The following MYO1C variants were observed in gnomAD, a reference collection of about 807,000 sequenced individuals.
The protein encoded by MYO1C is unconventional myosin-Ic.
Under a neutral mutation model 150.8 loss-of-function variants are expected in MYO1C, and 104 were observed. That is an observed-to-expected ratio of 0.69 (90% CI 0.59 to 0.81). The LOEUF (loss-of-function observed/expected upper bound fraction) is 0.81. Ranked by LOEUF, MYO1C falls within the 30% of genes least tolerant of loss-of-function variation. The pLI is 0.00. For missense variants in MYO1C, 1,504 were observed against 1,435.0 expected (o/e 1.05, Z -0.78); for synonymous variants, 663 against 579.9 (o/e 1.14, Z -2.06).
intron 30 of MYO1C, 61 bp downstream of exon 30, chr17:1,467,419 G>C: frequency 6.3e-7 from 1 of 1,597,990 alleles, no homozygotes; most frequent in African/African-American, 1.3e-5. Context: ...CCCTGTCCCT[G>C]GGTGCCCACA....
intron 5 of MYO1C, among the ~76,000 whole-genome samples, chr17:1,482,033 C>A (rs545819655): frequency 6.6e-6 from 1 of 152,134 alleles, no homozygotes; most frequent in East Asian, 1.9e-4. Context: ...CTGCTCCTAT[C>A]TCCATCAAGC....
chr17:1,483,137 G>A, intron 3 of MYO1C, 78 bp from the exon 4 acceptor site: 2 of 1,411,908 alleles, frequency 1.4e-6, no homozygotes, highest in Non-Finnish European at 9.6e-7. Context: ...CCACATCTGG[G>A]TGGAGTCCTC....
At chr17:1,484,686 T>G in intron 1 of MYO1C, 1 of 403,796 alleles carries the variant, frequency 2.5e-6, no homozygotes, top group Admixed American at 3.7e-5. Flanking sequence ...CTCCTTGAAA[T>G]AGCAGAAAGA....
chr17:1,478,611 C>T lies in MYO1C; in HGVS notation c.1212+5G>A. On this transcript the variant is annotated splice_donor_5th_base_variant and intron_variant, in intron 10 of 31. Transcript: ENST00000648651. This position sits in a 1 kb window ranked among gnomAD's most constrained non-coding sequence, Gnocchi z 6.3. The stretch of plus-strand genomic sequence containing the variant: ...CCTTGGGAGCAGTGTGGACCGAGCC[C>T]TCACCTTGGAGGCCAGCGACCTGTT... 1 of 1,614,066 alleles carries T rather than the reference C, an allele frequency of 6.2e-7. No homozygotes were observed. Among genetic ancestry groups the T allele is most frequent in the East Asian group, 2.2e-5 (1 of 44,874 alleles).
In MYO1C at chr17:1,470,699, G is replaced by A. The variant is rs111459491; in HGVS notation, c.2213-10C>T. On this transcript the variant is annotated splice_polypyrimidine_tract_variant and intron_variant, in intron 21 of 31. Coordinates refer to ENST00000648651, the MANE Select transcript of MYO1C (RefSeq NM_001080779.2). ...GCTTGGATCTTTGTGGCTGCGGTTG[G>A]GAAAGAAAGGCAATTGGCCAGAGCG... 54 of 1,601,010 alleles carry A rather than the reference G, an allele frequency of 3.4e-5. No homozygotes were observed. The highest frequency in any genetic ancestry group is 2.9e-4 in the African/African-American group (22 of 74,994).
At position 1,478,274 on chromosome 17, in the gene MYO1C, G is replaced by A. The variant is rs2074441924; in HGVS notation, c.1296-82C>T. 6.4e-7 allele frequency: 1 copy of A among 1,554,932 alleles called. No individual in the cohort carries two copies. The highest frequency in any genetic ancestry group is 8.9e-7 in the Non-Finnish European group (1 of 1,127,562). On this transcript the variant is annotated intron_variant, in intron 11 of 31. Coordinates refer to ENST00000648651, the MANE Select transcript of MYO1C (RefSeq NM_001080779.2). This position sits in a 1 kb window ranked among gnomAD's most constrained non-coding sequence, Gnocchi z 6.3. ...GGGAAAAGCTGGACGACGCCCCTGA[G>A]CACAGGAGGTGAGAAACACAGAGAC...
In MYO1C at chr17:1,464,624, G is replaced by C. The variant is rs1598314037; in HGVS notation, c.*1102C>G. ...ACGCTGAGGAAGGGCTGCCATCTTGGTTTTGTGGCAACCTGCCGTATGACC... is the reference window on the plus strand; with the variant it reads ...ACGCTGAGGAAGGGCTGCCATCTTGCTTTTGTGGCAACCTGCCGTATGACC... On this transcript the variant is annotated 3_prime_UTR_variant, in exon 32 of 32. Transcript: ENST00000648651. The C allele has an allele frequency of 6.5e-6, 1 of 152,766 alleles. No individual in the cohort carries two copies. Among genetic ancestry groups the C allele is most frequent in the African/African-American group, 2.4e-5 (1 of 41,456 alleles). 9.5% of individuals were successfully genotyped at this position (152,766 alleles called of 1,614,324 possible). A position where few individuals can be genotyped will look rare whatever the true frequency, so the allele number is the denominator to read the frequency against.
chr17:1,490,153 G>T (rs932734386), intron 1 of MYO1C, among the ~76,000 whole-genome samples: 1 of 151,796 alleles, frequency 6.6e-6, no homozygotes, highest in Admixed American at 6.6e-5. Context: ...GCATTAACAG[G>T]CCTGCTCTCC....
chr17:1,484,974 C>T (rs1164042449), intron 1 of MYO1C: 21 of 562,202 alleles, frequency 3.7e-5, no homozygotes, highest in Non-Finnish European at 1.2e-5. Context: ...GGGCCTCCCA[C>T]CCCAGCTGGG....
rs1159689204 is a variant in MYO1C, at chr17:1,467,969, G to A, written c.2896+19C>T. On this transcript the variant is annotated intron_variant, in intron 28 of 31. Coordinates refer to ENST00000648651, the MANE Select transcript of MYO1C (RefSeq NM_001080779.2). ...GTCAGAGCAGGGCCCTCCCCCTGCA[G>A]CCCTGGACCCTGGCTGACCGGTCAG... is the stretch of plus-strand genomic sequence containing the variant. 1 of 1,613,006 alleles carries A rather than the reference G, an allele frequency of 6.2e-7. No individual in the cohort carries two copies. The highest frequency in any genetic ancestry group is 1.3e-5 in the African/African-American group (1 of 74,698).
At position 1,470,479 on chromosome 17, in the gene MYO1C, C is replaced by G; in HGVS notation, c.2322G>C (p.Arg774=). The G allele has an allele frequency of 6.4e-7, 1 of 1,551,212 alleles. No individual in the cohort carries two copies. Among genetic ancestry groups the G allele is most frequent in the Non-Finnish European group, 8.7e-7 (1 of 1,147,238 alleles). The change falls in exon 23 of 32, where the codon CGG becomes CGC. Residue 774 remains arginine, a synonymous_variant. Coordinates refer to ENST00000648651, the MANE Select transcript of MYO1C (RefSeq NM_001080779.2). ...IQSWWRGTLG[R]RKAAKRKWAA... Reference sequence around the variant, plus strand: ...CCCACTTCCTCTTGGCTGCCTTCCTCCGGCCCAGTGTTCCACGCCACCACG... The same window carrying G: ...CCCACTTCCTCTTGGCTGCCTTCCTGCGGCCCAGTGTTCCACGCCACCACG...
rs60884697 is a variant in MYO1C at position 1,491,455 on chromosome 17, C to T, written c.75+958G>A. On this transcript the variant is annotated intron_variant, in intron 1 of 31. Coordinates refer to ENST00000648651, the MANE Select transcript of MYO1C (RefSeq NM_001080779.2). ...CGCCTCCGGGTCGTGGGACCCCCCC[C>T]CCCCGCACGGGTCCACGCGGCCGTT... 28 of 158,084 alleles carry T rather than the reference C, an allele frequency of 1.8e-4. 1 individual carries two copies. Among genetic ancestry groups the T allele is most frequent in the Non-Finnish European group, 2.9e-4 (23 of 80,520 alleles). The allele number at this position is 158,084 out of a possible 1,614,324, so 9.8% of individuals were successfully genotyped here. A position where few individuals can be genotyped will look rare whatever the true frequency, so the allele number is the denominator to read the frequency against.
chr17:1,471,467 C>T (rs545898778), intron 19 of MYO1C, 131 bp from the exon 20 acceptor site: 2 of 741,322 alleles, frequency 2.7e-6, no homozygotes, highest in African/African-American at 3.5e-5. Flanking sequence ...CTCACTCGGT[C>T]ACTGCCCCCA....
chr17:1,478,759 G>C lies in MYO1C; in HGVS notation c.1093-24C>G, dbSNP rs369725567. 6.2e-7 allele frequency: 1 copy of C among 1,612,660 alleles called. No individual in the cohort carries two copies. The highest frequency in any genetic ancestry group is 8.5e-7 in the Non-Finnish European group (1 of 1,180,014). ...AGCTGTGGACGCAGCGTGAGACAAG[G>C]AGATGAATGCCACAGAGCCTGTGCA... On this transcript the variant is annotated intron_variant, in intron 9 of 31. Coordinates refer to ENST00000648651, the MANE Select transcript of MYO1C (RefSeq NM_001080779.2). The surrounding 1 kb of genome is among the most constrained non-coding windows in gnomAD (Gnocchi z 6.3).
intron 3 of MYO1C, 88 bp downstream of exon 3, chr17:1,483,522 G>A (rs1567532941): frequency 9.3e-6 from 9 of 965,536 alleles, no homozygotes; most frequent in African/African-American, 1.6e-5. Context: ...CGGGACGCCA[G>A]GATCATTTCA....
In MYO1C at chr17:1,471,204, C is replaced by T. The variant is rs767905694; in HGVS notation, c.2135+19G>A. ...GCCACTCCCATTCCCCGCAGGCACCCGGCACGGACACTACCCACCTGCCCA... is the reference window on the plus strand; with the variant it reads ...GCCACTCCCATTCCCCGCAGGCACCTGGCACGGACACTACCCACCTGCCCA... On this transcript the variant is annotated intron_variant, in intron 20 of 31. Coordinates refer to ENST00000648651, the MANE Select transcript of MYO1C (RefSeq NM_001080779.2). 39 of 1,613,716 alleles carry T rather than the reference C, an allele frequency of 2.4e-5. No homozygotes were observed. Among genetic ancestry groups the T allele is most frequent in the African/African-American group, 4.0e-5 (3 of 74,888 alleles).
At chr17:1,470,752 G>A (rs1250599782) in intron 21 of MYO1C, 63 bp from the exon 22 acceptor site, 12 of 1,510,154 alleles carry the variant, frequency 7.9e-6, no homozygotes, top group East Asian at 4.6e-5. Flanking sequence ...GCCTGGTGCC[G>A]TGTGCGCTCC....
At chr17:1,469,812 A>ATCACC (rs57128397) in intron 24 of MYO1C, among the ~76,000 whole-genome samples, 198 bp from the exon 25 acceptor site, 7,590 of 152,212 alleles carry the variant, frequency 0.05, 581 homozygotes, top group African/African-American at 0.17. Context: ...AGGTGGGTGG[A>ATCACC]TCACCCGAGC....
chr17:1,486,231 T>C (rs2074653181), intron 1 of MYO1C: 1 of 152,214 alleles, frequency 6.6e-6, no homozygotes, highest in Non-Finnish European at 1.5e-5. Context: ...CGGAGCGTTC[T>C]CCGTGCGGGA....
Sources: gnomAD v4.1 joint callset for allele counts (sites outside exome capture counted in the v4.1 genomes callset) on GRCh38, gnomAD v4.1.1 for gene constraint, Gnocchi (gnomAD v3.1) non-coding constraint, MANE v1.5 for transcripts, NCBI Gene and HGNC (gene_info 2026-07-23, HGNC 2026-07-21) for gene names.